MYO1D: variants seen among roughly 807,000 people sequenced by gnomAD.
MYO1D encodes unconventional myosin-Id.
MYO1D carries 83 observed loss-of-function variants against 122.0 expected under a neutral mutation model. The ratio of observed to expected loss-of-function variants is 0.68; its 90% CI spans 0.57 to 0.82. The LOEUF (loss-of-function observed/expected upper bound fraction) is 0.82, where lower values mean the gene tolerates loss of function less well. Among genes scored for constraint, MYO1D ranks in the 40% least tolerant of loss-of-function variants. MYO1D has a pLI of 0.00. For synonymous variants in MYO1D, 464 were observed against 446.9 expected, an observed-to-expected ratio of 1.04 and a Z score of -0.48; for missense variants, 1,157 against 1,269.5, an observed-to-expected ratio of 0.91 and a Z score of 1.35.
chr17:32,679,854 A>G (rs2088882561), intron 16 of MYO1D, among the ~76,000 whole-genome samples: 1 of 150,822 alleles, frequency 6.6e-6, no homozygotes, highest in South Asian at 2.1e-4. Flanking sequence ...CTTGGGCAGT[A>G]TGGCCATTTT....
At chr17:32,738,931 G>A (rs1193361232) in intron 13 of MYO1D, among the ~76,000 whole-genome samples, 1 of 152,036 alleles carries the variant, frequency 6.6e-6, no homozygotes, top group Non-Finnish European at 1.5e-5. Flanking sequence ...TCCCTTTACT[G>A]CAGTTCAAAT....
chr17:32,807,892 C>T (rs2090531719), intron 1 of MYO1D, among the ~76,000 whole-genome samples: 1 of 152,144 alleles, frequency 6.6e-6, no homozygotes, highest in African/African-American at 2.4e-5. Flanking sequence ...TTTCACATTA[C>T]CATATTTGCA....
chr17:32,751,800 T>G (rs1224073371), intron 11 of MYO1D, among the ~76,000 whole-genome samples: 1 of 152,082 alleles, frequency 6.6e-6, no homozygotes, highest in Non-Finnish European at 1.5e-5. Flanking sequence ...TGAAAAAACA[T>G]ACAATGCTCA....
Position 32,494,689 on chromosome 17 carries a change from G to A in MYO1D, c.*70C>T. ...CAGGTTTCTAGCGGGCATGGGTTGG[G>A]AGGCAGCAGCTGGACTGGGACCCAG... On this transcript the variant is annotated 3_prime_UTR_variant, in exon 22 of 22. Transcript: ENST00000318217. 1 of 1,487,296 alleles carries A rather than the reference G, an allele frequency of 6.7e-7. No individual in the cohort carries two copies. The highest frequency in any genetic ancestry group is 9.0e-7 in the Non-Finnish European group (1 of 1,114,204). 92.1% of individuals were successfully genotyped at this position (1,487,296 alleles called of 1,614,324 possible).
chr17:32,660,621 T>A (rs935242512), intron 16 of MYO1D, among the ~76,000 whole-genome samples: 5 of 152,190 alleles, frequency 3.3e-5, no homozygotes, highest in African/African-American at 1.2e-4. Context: ...AGAAAAACCA[T>A]AACATTTAAG....
chr17:32,560,736 C>T (rs1275439590), intron 21 of MYO1D, among the ~76,000 whole-genome samples: 2 of 151,156 alleles, frequency 1.3e-5, no homozygotes, highest in African/African-American at 4.9e-5. Context: ...TCTCCTGCCT[C>T]AGCCTACTGA....
intron 16 of MYO1D, among the ~76,000 whole-genome samples, chr17:32,669,678 C>A (rs2088683120): frequency 6.6e-6 from 1 of 152,120 alleles, no homozygotes; most frequent in Non-Finnish European, 1.5e-5. Flanking sequence ...GAACCAGGTT[C>A]TATCCTTTTG....
At chr17:32,876,274 G>GAA (rs199952868) in intron 1 of MYO1D, among the ~76,000 whole-genome samples, 12 of 147,704 alleles carry the variant, frequency 8.1e-5, no homozygotes, top group African/African-American at 2.7e-4. Flanking sequence ...ACGCCAGGAG[G>GAA]AAAAAAAAAA....
At chr17:32,857,640 G>A (rs961099465) in intron 1 of MYO1D, among the ~76,000 whole-genome samples, 157 of 150,210 alleles carry the variant, frequency 1.0e-3, no homozygotes, top group Non-Finnish European at 1.7e-3. Flanking sequence ...TCTTCTCACC[G>A]TCCCTGAACA....
chr17:32,631,589 G>A (rs1011344207), intron 20 of MYO1D, among the ~76,000 whole-genome samples: 4 of 151,950 alleles, frequency 2.6e-5, no homozygotes, highest in Admixed American at 2.6e-4. Context: ...TAAGGCTGCA[G>A]TGAGTTATGA....
chr17:32,777,446 TTCTC>T (rs1430763080), intron 3 of MYO1D, among the ~76,000 whole-genome samples: 4 of 152,104 alleles, frequency 2.6e-5, no homozygotes, highest in Non-Finnish European at 5.9e-5. Context: ...GGAAAACAGT[TTCTC>T]TCTTCAAAAA....
intron 18 of MYO1D, among the ~76,000 whole-genome samples, chr17:32,654,204 G>A (rs545494739): frequency 1.2e-4 from 19 of 152,230 alleles, no homozygotes; most frequent in Non-Finnish European, 2.4e-4. Flanking sequence ...TTAAAAAATC[G>A]TCACTGAATG....
chr17:32,860,155 C>T (rs1345437180), intron 1 of MYO1D, among the ~76,000 whole-genome samples: 1 of 152,176 alleles, frequency 6.6e-6, no homozygotes, highest in South Asian at 2.1e-4. Context: ...CAACGACCTT[C>T]CACCAGCTGA....
chr17:32,723,690 C>T (rs901174959), intron 14 of MYO1D, among the ~76,000 whole-genome samples: 1 of 152,128 alleles, frequency 6.6e-6, no homozygotes, highest in Non-Finnish European at 1.5e-5. Flanking sequence ...GGATTAAAGA[C>T]TACATGAAGA....
At chr17:32,654,168 G>A (rs2088439198) in intron 18 of MYO1D, among the ~76,000 whole-genome samples, 2 of 152,068 alleles carry the variant, frequency 1.3e-5, no homozygotes, top group African/African-American at 4.8e-5. Flanking sequence ...GTGTAGCTCT[G>A]GGAATAATTA....
At chr17:32,781,408 A>T in intron 1 of MYO1D, among the ~76,000 whole-genome samples, 1 of 152,042 alleles carries the variant, frequency 6.6e-6, no homozygotes, top group South Asian at 2.1e-4. Context: ...TGCAGAAAAC[A>T]CTCTTGATAC....
At position 32,778,979 on chromosome 17, in the gene MYO1D, C is replaced by A. The variant is rs1209313852; in HGVS notation, c.305-406G>T. The stretch of plus-strand genomic sequence containing the variant: ...AATCTTATTTTCTATAAGAGAATTT[C>A]TTTTAATCTTAAAGGGGACAAAATA... On this transcript the variant is annotated intron_variant, in intron 2 of 21. Transcript: ENST00000318217. Among the ~76,000 whole-genome samples the A allele has an allele frequency of 2.6e-5, 4 of 152,088 alleles. 1 individual carries two copies. The highest frequency in any genetic ancestry group is 3.4e-3 in the Middle Eastern group (1 of 294).
chr17:32,729,610 A>T (rs972870080), intron 14 of MYO1D, among the ~76,000 whole-genome samples: 1 of 152,222 alleles, frequency 6.6e-6, no homozygotes, highest in African/African-American at 2.4e-5. Context: ...ACCTGGCCAA[A>T]ATCAGAAAAC....
At chr17:32,549,769 ATC>A (rs543790228) in intron 21 of MYO1D, among the ~76,000 whole-genome samples, 105 of 152,270 alleles carry the variant, frequency 6.9e-4, no homozygotes, top group African/African-American at 2.4e-3. Context: ...CATTTTCCTC[ATC>A]TGTCACATGA....
Sources: gnomAD v4.1 joint callset for allele counts (sites outside exome capture counted in the v4.1 genomes callset) on GRCh38, gnomAD v4.1.1 for gene constraint, MANE v1.5 for transcripts, NCBI Gene and HGNC (gene_info 2026-07-23, HGNC 2026-07-21) for gene names.